The following TTC34 variants were observed in gnomAD, a reference collection of about 807,000 sequenced individuals.
The protein encoded by TTC34 is tetratricopeptide repeat protein 34.
Under a neutral mutation model 40.7 loss-of-function variants are expected in TTC34, and 44 were observed. The ratio of observed to expected loss-of-function variants is 1.08; its 90% CI spans 0.85 to 1.39. The LOEUF (loss-of-function observed/expected upper bound fraction) is 1.39. Among genes scored for constraint, TTC34 ranks in the 40% most tolerant of loss-of-function variants. The probability of loss-of-function intolerance (pLI) is 0.00; values close to 1 mark genes in which losing one functional copy is unlikely to be tolerated. For synonymous variants in TTC34, 422 were observed against 398.6 expected, an observed-to-expected ratio of 1.06 and a Z score of -0.70; for missense variants, 884 against 838.0, an observed-to-expected ratio of 1.05 and a Z score of -0.68.
intron 6 of TTC34, among the ~76,000 whole-genome samples, chr1:2,750,496 C>A (rs1431868940): frequency 7.3e-6 from 1 of 136,982 alleles, no homozygotes; most frequent in African/African-American, 2.8e-5. Flanking sequence ...CCCAGTTGAG[C>A]ATTGGACAGC....
intron 6 of TTC34, among the ~76,000 whole-genome samples, chr1:2,692,400 GGCAGCCTGGAGCAGCACCC>G (rs1230297932): frequency 9.1e-5 from 8 of 87,782 alleles, no homozygotes; most frequent in Admixed American, 3.4e-4. Context: ...GTGAGCATCT[GGCAGCCTGGAGCAGCACCC>G]ACACCCCCAG....
rs565072348 is a variant in TTC34, at chr1:2,768,002, C to T, written c.2226+15607G>A. On this transcript the variant is annotated intron_variant, in intron 6 of 8. Transcript: ENST00000401095. ...GATGTGACTGCGTGGAACAGCACGT[C>T]CCCTCAGGTGAGCATCTGACAGCAT... is the stretch of plus-strand genomic sequence containing the variant. Among the ~76,000 whole-genome samples, 6 of 150,722 alleles carry T rather than the reference C, an allele frequency of 4.0e-5. No homozygotes were observed. In the South Asian group the frequency reaches 1.3e-3, roughly 33 times the overall value.
At chr1:2,657,376 C>G (rs867368454) in intron 6 of TTC34, among the ~76,000 whole-genome samples, 5 of 95,592 alleles carry the variant, frequency 5.2e-5, no homozygotes, top group South Asian at 2.9e-4. Flanking sequence ...GAGCAGCACC[C>G]ACACCCCGAG....
intron 6 of TTC34, among the ~76,000 whole-genome samples, chr1:2,649,133 T>G (rs1183782123): frequency 6.6e-6 from 1 of 151,302 alleles, no homozygotes; most frequent in East Asian, 2.0e-4. Context: ...CACCCCCAGG[T>G]GAGTGTCTTA....
chr1:2,772,946 G>A (rs1314935289), intron 6 of TTC34, among the ~76,000 whole-genome samples: 2 of 135,488 alleles, frequency 1.5e-5, no homozygotes, highest in Admixed American at 7.5e-5. Context: ...ACCCCCAGGC[G>A]AGCATCTGAC....
chr1:2,688,149 C>A (rs1365729005), intron 6 of TTC34, among the ~76,000 whole-genome samples: 12 of 149,788 alleles, frequency 8.0e-5, no homozygotes, highest in Non-Finnish European at 1.2e-4. Context: ...CATCTGACGG[C>A]CTGGAAGGGC....
At chr1:2,794,594 C>G (rs1049701842) in intron 2 of TTC34, among the ~76,000 whole-genome samples, 1 of 152,064 alleles carries the variant, frequency 6.6e-6, no homozygotes, top group Non-Finnish European at 1.5e-5. Flanking sequence ...CATGTTCTGT[C>G]TTGTTTTCTT....
intron 6 of TTC34, chr1:2,775,462 G>C (rs527784015): frequency 6.7e-6 from 1 of 148,576 alleles, no homozygotes; most frequent in Non-Finnish European, 1.5e-5. Context: ...GCCTGGAGCA[G>C]TACCCACACC....
chr1:2,683,828 C>G (rs1358079847), intron 6 of TTC34, among the ~76,000 whole-genome samples: 14 of 152,076 alleles, frequency 9.2e-5, no homozygotes, highest in African/African-American at 3.4e-4. Flanking sequence ...GGAACAGCAC[C>G]CACACCCCCA....
chr1:2,642,057 C>A (rs553685828), intron 8 of TTC34, among the ~76,000 whole-genome samples, 162 bp from the exon 9 acceptor site: 10 of 152,278 alleles, frequency 6.6e-5, no homozygotes, highest in South Asian at 2.1e-4. Context: ...TCTGGAGGGG[C>A]TGGCTGACCA....
At chr1:2,691,261 C>A (rs74190206) in intron 6 of TTC34, among the ~76,000 whole-genome samples, 3 of 77,552 alleles carry the variant, frequency 3.9e-5, no homozygotes, top group Admixed American at 2.5e-4. Context: ...AGCACCCACA[C>A]CCCCAGGTGA....
chr1:2,779,091 C>T (rs528187907), intron 6 of TTC34, among the ~76,000 whole-genome samples: 1 of 152,158 alleles, frequency 6.6e-6, no homozygotes, highest in Non-Finnish European at 1.5e-5. Context: ...GTAGTGTGTA[C>T]CAGGAATCCC....
chr1:2,791,123 C>T (rs1055140118), intron 2 of TTC34, among the ~76,000 whole-genome samples: 5 of 152,124 alleles, frequency 3.3e-5, no homozygotes, highest in African/African-American at 1.2e-4. Context: ...CCCCCAGCAC[C>T]CTCCCCGCGC....
chr1:2,647,818 G>T (rs1639050748), intron 6 of TTC34, among the ~76,000 whole-genome samples: 2 of 151,952 alleles, frequency 1.3e-5, no homozygotes, highest in South Asian at 4.2e-4. Context: ...TTTGTTTTTT[G>T]TTTTTTGTTT....
chr1:2,759,431 C>T (rs1407054026), intron 6 of TTC34, among the ~76,000 whole-genome samples: 9 of 108,396 alleles, frequency 8.3e-5, no homozygotes, highest in Non-Finnish European at 1.5e-4. Context: ...TGGATCAGCA[C>T]CCACACTCCC....
intron 6 of TTC34, among the ~76,000 whole-genome samples, chr1:2,675,104 T>C (rs1350559446): frequency 4.4e-4 from 2 of 4,560 alleles, no homozygotes; most frequent in Non-Finnish European, 9.3e-4. Context: ...TCTGACAGCC[T>C]GGAGCAGTGC....
chr1:2,758,711 CCA>C (rs1276599888), intron 6 of TTC34, among the ~76,000 whole-genome samples: 497 of 18,676 alleles, frequency 0.027, 15 homozygotes, highest in East Asian at 0.044. Context: ...GGAAGAGCAA[CCA>C]CACCCCCAGG....
rs112979687 is a variant in TTC34 at position 2,643,654 on chromosome 1, G to C, written c.2712+610C>G. On this transcript the variant is annotated intron_variant, in intron 8 of 8. Coordinates refer to ENST00000401095, the Ensembl canonical transcript of TTC34. ...AATCTCAGCGTTGCTCTTCAGCTCG[G>C]GGGGGGCAGCGGCGCCCCCTCTGCA... Among the ~76,000 whole-genome samples the C allele has an allele frequency of 2.3e-3, 348 of 152,312 alleles. 2 individuals carry two copies. Among genetic ancestry groups the C allele is most frequent in the African/African-American group, 7.9e-3 (330 of 41,576 alleles).
intron 6 of TTC34, among the ~76,000 whole-genome samples, chr1:2,748,922 G>C (rs1237233450): frequency 0.12 from 269 of 2,158 alleles, no homozygotes; most frequent in Middle Eastern, 0.25. Flanking sequence ...AACCCACACC[G>C]CCAGGGGAGT....
Sources: gnomAD v4.1 joint callset for allele counts (sites outside exome capture counted in the v4.1 genomes callset) on GRCh38, gnomAD v4.1.1 for gene constraint, MANE v1.5 for transcripts, NCBI Gene and HGNC (gene_info 2026-07-23, HGNC 2026-07-21) for gene names.